Variants in RALYL observed in about 807,000 individuals in gnomAD.
The protein encoded by RALYL is RNA-binding Raly-like protein.
A neutral mutation model predicts 35.1 loss-of-function variants in RALYL; 29 were observed. That is an observed-to-expected ratio of 0.83 (90% CI 0.61 to 1.13). The LOEUF is 1.13. Ranked by LOEUF, RALYL falls within the 50% of genes most tolerant of loss-of-function variation. The pLI, the probability that RALYL is intolerant of heterozygous loss-of-function variation, is 0.00. For synonymous variants in RALYL, 120 were observed against 127.6 expected (o/e 0.94, Z 0.40); for missense variants, 359 against 360.4 (o/e 1.00, Z 0.03).
At chr8:84,705,732 T>G (rs1841088267) in intron 2 of RALYL, among the ~76,000 whole-genome samples, 1 of 152,208 alleles carries the variant, frequency 6.6e-6, no homozygotes, top group Admixed American at 6.5e-5. Context: ...CATTGCTTCA[T>G]GGACAGCAGT....
At chr8:84,535,636 T>TTTTATTTTATTTTATTTTATTTTA (rs2059555831) in intron 2 of RALYL, among the ~76,000 whole-genome samples, 8 of 151,068 alleles carry the variant, frequency 5.3e-5, no homozygotes, top group African/African-American at 1.7e-4. Flanking sequence ...TTTTATTTTA[T>TTTTATTTTATTTTATTTTATTTTA]TTTATTTTTT....
At chr8:84,915,405 A>G (rs1241625300) in intron 8 of RALYL, among the ~76,000 whole-genome samples, 3 of 152,030 alleles carry the variant, frequency 2.0e-5, no homozygotes, top group African/African-American at 7.2e-5. Flanking sequence ...ACCCCCTGAC[A>G]CTTCAATACC....
At position 84,492,970 on chromosome 8, in the gene RALYL, G is replaced by T. The variant is rs962136582; in HGVS notation, c.-23-36329G>T. Among the ~76,000 whole-genome samples, 5 of 151,954 alleles carry T rather than the reference G, an allele frequency of 3.3e-5. No individual in the cohort carries two copies. In the South Asian group the frequency reaches 1.0e-3, roughly 31 times the overall value. On this transcript the variant is annotated intron_variant, in intron 1 of 8. Transcript: ENST00000521268. ...CAGAATGTGCAGGTTTGTTACATAC[G>T]TATACGTGTACCATGGTGGTTTGCT...
chr8:84,437,007 C>A (rs10093788), intron 1 of RALYL, among the ~76,000 whole-genome samples: 6,039 of 152,100 alleles, frequency 0.04, 247 homozygotes, highest in African/African-American at 0.1. Flanking sequence ...AACAGTTTTT[C>A]AACCCTTGCT....
At chr8:84,697,418 T>C (rs911175254) in intron 2 of RALYL, among the ~76,000 whole-genome samples, 1 of 152,036 alleles carries the variant, frequency 6.6e-6, no homozygotes, top group African/African-American at 2.4e-5. Flanking sequence ...CTCTTTTTAA[T>C]TGGAAATTTG....
chr8:84,402,120 A>G (rs1267111311), intron 1 of RALYL, among the ~76,000 whole-genome samples: 3 of 152,198 alleles, frequency 2.0e-5, no homozygotes, highest in African/African-American at 7.2e-5. Flanking sequence ...TTTCCGTGTG[A>G]GTTGTGTAAA....
At chr8:84,833,071 C>T (rs778845261) in intron 4 of RALYL, among the ~76,000 whole-genome samples, 4 of 152,152 alleles carry the variant, frequency 2.6e-5, no homozygotes, top group Non-Finnish European at 4.4e-5. Context: ...TCTTCTCTAG[C>T]TGTCTTCTCA....
chr8:84,442,861 G>A (rs1254519627), intron 1 of RALYL, among the ~76,000 whole-genome samples: 1 of 152,058 alleles, frequency 6.6e-6, no homozygotes, highest in African/African-American at 2.4e-5. Flanking sequence ...TTGGTCAAGG[G>A]TAAAATATAA....
rs1223227258 is a variant in RALYL at position 84,921,118 on chromosome 8, TA to T, written c.*210del. The T allele has an allele frequency of 1.3e-5, 5 of 384,156 alleles. No homozygotes were observed. Among genetic ancestry groups the T allele is most frequent in the Non-Finnish European group, 2.4e-5 (5 of 210,202 alleles). The allele number at this position is 384,156 out of a possible 1,614,324, so 23.8% of individuals were successfully genotyped here. ...GTACAATTGTCAGGTTTTTATGGTT[TA>T]AATTGTAAATGTGTTTTCCCCTTTG... On this transcript the variant is annotated 3_prime_UTR_variant, in exon 9 of 9. Coordinates refer to ENST00000521268, the MANE Select transcript of RALYL (RefSeq NM_173848.7).
At chr8:84,499,187 G>T (rs529782353) in intron 1 of RALYL, among the ~76,000 whole-genome samples, 3 of 151,444 alleles carry the variant, frequency 2.0e-5, no homozygotes, top group African/African-American at 7.3e-5. Flanking sequence ...TCTAGGGCAC[G>T]CATCATTCAG....
At chr8:84,285,113 A>G (rs1837342293) in intron 1 of RALYL, among the ~76,000 whole-genome samples, 1 of 152,292 alleles carries the variant, frequency 6.6e-6, no homozygotes, top group South Asian at 2.1e-4. Context: ...TTTTCATTCA[A>G]GCACATTAAT....
chr8:84,191,655 G>T (rs1168889784), intron 1 of RALYL, among the ~76,000 whole-genome samples: 1 of 152,114 alleles, frequency 6.6e-6, no homozygotes. Context: ...AGCTTGAAGG[G>T]CCTTCCAGTT....
At chr8:84,573,778 TAG>T (rs1380061359) in intron 2 of RALYL, among the ~76,000 whole-genome samples, 19 of 151,974 alleles carry the variant, frequency 1.3e-4, no homozygotes, top group Non-Finnish European at 2.5e-4. Flanking sequence ...CTCTTTTGAA[TAG>T]TGTTAAATCA....
intron 1 of RALYL, among the ~76,000 whole-genome samples, chr8:84,307,853 T>C (rs1195101215): frequency 1.3e-5 from 2 of 152,088 alleles, no homozygotes; most frequent in Non-Finnish European, 2.9e-5. Flanking sequence ...TTCTAGACTA[T>C]AGTTTGTTTC....
intron 1 of RALYL, among the ~76,000 whole-genome samples, chr8:84,456,620 T>TTA (rs1465151792): frequency 6.6e-6 from 1 of 152,042 alleles, no homozygotes; most frequent in Non-Finnish European, 1.5e-5. Context: ...TAGTCATTAA[T>TTA]TCAACAGATA....
chr8:84,371,539 T>TCACACACACACACACACACACA (rs5892914), intron 1 of RALYL, among the ~76,000 whole-genome samples: 20 of 144,070 alleles, frequency 1.4e-4, no homozygotes, highest in African/African-American at 5.2e-4. Flanking sequence ...TTTATGATTA[T>TCACACACACACACACACACACA]CACACACACA....
At chr8:84,677,326 G>C (rs974022215) in intron 2 of RALYL, among the ~76,000 whole-genome samples, 1 of 151,990 alleles carries the variant, frequency 6.6e-6, no homozygotes, top group Admixed American at 6.6e-5. Flanking sequence ...TGAATAACAT[G>C]GTTCAGATAT....
intron 3 of RALYL, among the ~76,000 whole-genome samples, chr8:84,796,923 A>AGAG (rs1211776754): frequency 6.6e-6 from 1 of 152,220 alleles, no homozygotes; most frequent in African/African-American, 2.4e-5. Flanking sequence ...TCTTTTCTTA[A>AGAG]GAGTACAGAA....
chr8:84,772,810 T>C (rs905919816), intron 2 of RALYL, among the ~76,000 whole-genome samples: 1 of 152,154 alleles, frequency 6.6e-6, no homozygotes, highest in African/African-American at 2.4e-5. Context: ...CTAAAATTGC[T>C]TTCCTGTCTT....
Sources: allele counts gnomAD v4.1 joint callset (sites outside exome capture counted in the v4.1 genomes callset), GRCh38; gene constraint gnomAD v4.1.1; transcripts MANE v1.5; gene names NCBI Gene and HGNC (gene_info 2026-07-23, HGNC 2026-07-21).